The following SH2B2 variants were observed in gnomAD, a reference collection of about 807,000 sequenced individuals.
SH2B2 encodes the protein SH2B adaptor protein 2, also known as SH2B adapter protein 2.
In SH2B2, 37 loss-of-function variants were observed where a neutral mutation model predicts 35.7. That is an observed-to-expected ratio of 1.04 (90% CI 0.80 to 1.36). The LOEUF is 1.36. Among genes scored for constraint, SH2B2 ranks in the 40% most tolerant of loss-of-function variants. SH2B2 has a pLI of 0.00. For missense variants in SH2B2, 852 were observed against 817.7 expected, an observed-to-expected ratio of 1.04 and a Z score of -0.51; for synonymous variants, 383 against 376.4, an observed-to-expected ratio of 1.02 and a Z score of -0.20.
chr7:102,320,227 C>T, intron 7 of SH2B2, 104 bp from the exon 8 acceptor site: 1 of 975,516 alleles, frequency 1.0e-6, no homozygotes, highest in Non-Finnish European at 1.6e-6. Flanking sequence ...GACACAGCCC[C>T]ATACAGCCCC....
At position 102,300,933 on chromosome 7, in the gene SH2B2, A is replaced by G; in HGVS notation, c.383A>G (p.Lys128Arg). 2.7e-6 allele frequency: 4 copies of G among 1,488,140 alleles called. No individual in the cohort carries two copies. The highest frequency in any genetic ancestry group is 3.6e-6 in the Non-Finnish European group (4 of 1,122,454). The allele number at this position is 1,488,140 out of a possible 1,614,324, so 92.2% of individuals were successfully genotyped here. ...SEDVSTHAATKARVRKGFSLR... is the reference protein window; with the variant it reads ...SEDVSTHAATRARVRKGFSLR... ...GACGTGTCCACGCACGCGGCCACCA[A>G]GGCCCGCGTTCGCAAGGGCTTCTCG... is the stretch of plus-strand genomic sequence containing the variant. The change falls in exon 2 of 9, where the codon AAG becomes AGG. Residue 128 changes from lysine to arginine, a missense_variant. By Grantham distance (26) the Lys-to-Arg change is conservative. Transcript: ENST00000444095.
At chr7:102,298,215 T>C (rs1375950206) in intron 1 of SH2B2, among the ~76,000 whole-genome samples, 1 of 152,204 alleles carries the variant, frequency 6.6e-6, no homozygotes, top group African/African-American at 2.4e-5. Context: ...TGCAGGATTT[T>C]GTGCAGAGGA....
At chr7:102,313,011 A>T (rs888681238) in intron 4 of SH2B2, among the ~76,000 whole-genome samples, 158 of 151,522 alleles carry the variant, frequency 1.0e-3, no homozygotes, top group African/African-American at 3.3e-3. Context: ...TGCCTGTAAT[A>T]TCAGCTACTC....
intron 2 of SH2B2, among the ~76,000 whole-genome samples, 184 bp from the exon 3 acceptor site, chr7:102,306,537 T>G (rs781811910): frequency 7.9e-5 from 12 of 152,230 alleles, no homozygotes; most frequent in Non-Finnish European, 1.5e-4. Context: ...AAAAATTTCT[T>G]TCTTGTTTCA....
At chr7:102,293,094 C>T (rs1454020598) in intron 1 of SH2B2, 1 of 154,286 alleles carries the variant, frequency 6.5e-6, no homozygotes, top group African/African-American at 2.4e-5. Context: ...ATCGATTGGT[C>T]GCGGGCCCAT....
In SH2B2 at chr7:102,321,405, C is replaced by T. The variant is rs1554558526; in HGVS notation, c.1674C>T (p.Ala558=). ...TCGCCGCGGCCGCCTGCCCGCCTGC[C>T]TCGCCCTCCGACGCCGCCGGCGCCT... is the stretch of plus-strand genomic sequence containing the variant. The part of the protein sequence containing the change: ...SSLAAAACPP[A]SPSDAAGASS... Residue 558 remains alanine (A), a synonymous_variant, in exon 9 of 9, where the codon GCC becomes GCT. Coordinates refer to ENST00000444095, the MANE Select transcript of SH2B2 (RefSeq NM_001359228.2). 1.5e-6 allele frequency: 2 copies of T among 1,362,878 alleles called. No individual in the cohort carries two copies. The highest frequency in any genetic ancestry group is 1.5e-5 in the African/African-American group (1 of 65,268). 84.4% of individuals were successfully genotyped at this position (1,362,878 alleles called of 1,614,324 possible). A position where few individuals can be genotyped will look rare whatever the true frequency, so the allele number is the denominator to read the frequency against.
At chr7:102,287,293 G>A (rs1461925707) in intron 1 of SH2B2, among the ~76,000 whole-genome samples, 199 bp downstream of exon 1, 1 of 152,012 alleles carries the variant, frequency 6.6e-6, no homozygotes, top group Non-Finnish European at 1.5e-5. Context: ...CCCCGGCTGG[G>A]ATCTGCTCCC....
Position 102,301,158 on chromosome 7 carries a change from T to C in SH2B2, c.608T>C (p.Met203Thr). 6.4e-7 allele frequency: 1 copy of C among 1,567,102 alleles called. No individual in the cohort carries two copies. Among genetic ancestry groups the C allele is most frequent in the South Asian group, 1.2e-5 (1 of 85,736 alleles). The part of the protein sequence containing the change: ...DIQREGALRF[M>T]VADDAAAGSG... ...CAACGCGAGGGGGCGCTGCGCTTCA[T>C]GGTGGCCGACGACGCGGCCGCGGGC... is the stretch of plus-strand genomic sequence containing the variant. The change falls in exon 2 of 9, where the codon ATG becomes ACG. Residue 203 changes from methionine to threonine, a missense_variant. By Grantham distance (81) the Met-to-Thr change is moderately conservative (BLOSUM62 -1). Transcript: ENST00000444095.
At position 102,308,175 on chromosome 7, in the gene SH2B2, T is replaced by G. The variant is rs111670786; in HGVS notation, c.832-640T>G. ...GCCCTGGCCCTGCCACTGGCTGCTG[T>G]GTGACTTTGACCAAGTTCCTTGGCC... On this transcript the variant is annotated intron_variant, in intron 3 of 8. Coordinates refer to ENST00000444095, the MANE Select transcript of SH2B2 (RefSeq NM_001359228.2). Among the ~76,000 whole-genome samples, 85 of 152,328 alleles carry G rather than the reference T, an allele frequency of 5.6e-4. 1 individual carries two copies. Among genetic ancestry groups the G allele is most frequent in the African/African-American group, 2.0e-3 (84 of 41,576 alleles).
intron 2 of SH2B2, among the ~76,000 whole-genome samples, chr7:102,302,941 A>G (rs1793247315): frequency 6.6e-6 from 1 of 152,020 alleles, no homozygotes; most frequent in Admixed American, 6.6e-5. Flanking sequence ...AAAACAAAAC[A>G]AAAAACTGGG....
chr7:102,301,539 TGTGTGTGTGTGTGTGTGTCC>T (rs1404512557), intron 2 of SH2B2, among the ~76,000 whole-genome samples: 248 of 142,302 alleles, frequency 1.7e-3, no homozygotes, highest in Admixed American at 3.1e-3. Context: ...TTTCTTTTCG[TGTGTGTGTGTGTGTGTGTCC>T]GTGTGTGTGT....
intron 7 of SH2B2, among the ~76,000 whole-genome samples, chr7:102,318,751 C>T (rs1463114022): frequency 6.6e-6 from 1 of 152,132 alleles, no homozygotes; most frequent in African/African-American, 2.4e-5. Context: ...CAGGTTGGCC[C>T]CACCATGCAG....
Position 102,317,137 on chromosome 7 carries a change from C to T in SH2B2, c.1187-50C>T, listed in dbSNP as rs782667429. The T allele has an allele frequency of 2.8e-6, 4 of 1,404,002 alleles. No individual in the cohort carries two copies. In the South Asian group the frequency reaches 5.3e-5, roughly 18 times the overall value. 87.0% of individuals were successfully genotyped at this position (1,404,002 alleles called of 1,614,324 possible). On this transcript the variant is annotated intron_variant, in intron 6 of 8. Coordinates refer to ENST00000444095, the MANE Select transcript of SH2B2 (RefSeq NM_001359228.2). ...TCTCTTCTCACATTTATTTATTTGT[C>T]CCCCTTTCTCCTTCCCCCCATGTTC... is the stretch of plus-strand genomic sequence containing the variant.
chr7:102,311,399 CA>C (rs1554556013), intron 4 of SH2B2, among the ~76,000 whole-genome samples: 1 of 152,042 alleles, frequency 6.6e-6, no homozygotes, highest in Non-Finnish European at 1.5e-5. Context: ...AGATTATAGG[CA>C]CCTGCCAACA....
intron 1 of SH2B2, among the ~76,000 whole-genome samples, chr7:102,289,019 G>T (rs1792569512): frequency 6.6e-6 from 1 of 152,178 alleles, no homozygotes; most frequent in Non-Finnish European, 1.5e-5. Flanking sequence ...CCTGGGGCCT[G>T]GGGAGGTTTC....
At chr7:102,299,056 C>T (rs1295906383) in intron 1 of SH2B2, among the ~76,000 whole-genome samples, 2 of 149,312 alleles carry the variant, frequency 1.3e-5, no homozygotes, top group African/African-American at 4.9e-5. Flanking sequence ...CCTGCCCCCA[C>T]GCCCGGCTAA....
At chr7:102,290,790 C>T (rs1032910762) in intron 1 of SH2B2, among the ~76,000 whole-genome samples, 7 of 152,212 alleles carry the variant, frequency 4.6e-5, no homozygotes, top group Admixed American at 6.5e-5. Flanking sequence ...GGTTCTAGAA[C>T]GCTGACCTTG....
intron 4 of SH2B2, among the ~76,000 whole-genome samples, chr7:102,310,921 A>C (rs1017487037): frequency 1.2e-4 from 18 of 152,282 alleles, no homozygotes; most frequent in African/African-American, 4.3e-4. Flanking sequence ...CCAGCCCCTC[A>C]AGGATAGTGG....
chr7:102,310,383 A>C (rs1484948031), intron 4 of SH2B2, among the ~76,000 whole-genome samples: 7 of 152,166 alleles, frequency 4.6e-5, no homozygotes, highest in African/African-American at 1.4e-4. Context: ...AGGGAACATC[A>C]AGGCCTTTGG....
Sources: allele counts gnomAD v4.1 joint callset (sites outside exome capture counted in the v4.1 genomes callset), GRCh38; gene constraint gnomAD v4.1.1; transcripts MANE v1.5; gene names NCBI Gene and HGNC (gene_info 2026-07-23, HGNC 2026-07-21).